Variants in PATJ observed in about 807,000 individuals in gnomAD.
PATJ encodes inaD-like protein.
In PATJ, 190 loss-of-function variants were observed where a neutral mutation model predicts 224.9. The observed-to-expected ratio is 0.84, with a 90% CI of 0.75 to 0.95. The LOEUF is 0.95. Among genes scored for constraint, PATJ ranks in the 40% least tolerant of loss-of-function variants. The pLI is 0.00. For missense variants in PATJ, 2,121 were observed against 2,270.3 expected, an observed-to-expected ratio of 0.93 and a Z score of 1.34; for synonymous variants, 769 against 820.3, an observed-to-expected ratio of 0.94 and a Z score of 1.07.
intron 7 of PATJ, among the ~76,000 whole-genome samples, chr1:61,779,445 C>G (rs1570439603): frequency 6.6e-6 from 1 of 152,350 alleles, no homozygotes; most frequent in South Asian, 2.1e-4. Flanking sequence ...GGATGAGGCT[C>G]ACCTACATCA....
At chr1:61,804,607 G>A (rs931027635) in intron 12 of PATJ, among the ~76,000 whole-genome samples, 7 of 152,110 alleles carry the variant, frequency 4.6e-5, no homozygotes, top group African/African-American at 7.2e-5. Flanking sequence ...GTTAAAAAAC[G>A]TAGAAGTTTG....
At chr1:61,798,702 G>A (rs1169529914) in intron 11 of PATJ, among the ~76,000 whole-genome samples, 1 of 151,560 alleles carries the variant, frequency 6.6e-6, no homozygotes, top group Non-Finnish European at 1.5e-5. Context: ...GACCAGCCTG[G>A]CCAACATAGA....
chr1:61,980,020 A>AG (rs1462309511), intron 27 of PATJ, among the ~76,000 whole-genome samples: 1 of 152,022 alleles, frequency 6.6e-6, no homozygotes, highest in Non-Finnish European at 1.5e-5. Flanking sequence ...GACCTGCTTC[A>AG]GGGGAGAAGG....
At chr1:62,139,516 G>T (rs1667286128) in intron 41 of PATJ, among the ~76,000 whole-genome samples, 1 of 151,990 alleles carries the variant, frequency 6.6e-6, no homozygotes, top group Admixed American at 6.6e-5. Flanking sequence ...AGTCCCTGAT[G>T]GTGATGGTGG....
chr1:61,777,706 T>TTC (rs1647003615), intron 7 of PATJ, among the ~76,000 whole-genome samples: 1 of 50,948 alleles, frequency 2.0e-5, no homozygotes, highest in Admixed American at 3.0e-4. Flanking sequence ...TTTCTTTCTT[T>TTC]TTTTTTTTTT....
At chr1:61,872,409 A>T (rs1001646192) in intron 20 of PATJ, among the ~76,000 whole-genome samples, 61 of 152,180 alleles carry the variant, frequency 4.0e-4, no homozygotes, top group Non-Finnish European at 2.2e-4. Flanking sequence ...AGGAATTTAG[A>T]TGTATAATGA....
intron 13 of PATJ, 135 bp from the exon 14 acceptor site, chr1:61,808,339 A>G (rs761338262): frequency 9.2e-6 from 6 of 652,234 alleles, no homozygotes; most frequent in Non-Finnish European, 1.7e-5. Flanking sequence ...ATAGATTTCA[A>G]AAATATAAGA....
intron 12 of PATJ, among the ~76,000 whole-genome samples, chr1:61,803,797 C>T (rs1653015507): frequency 6.6e-6 from 1 of 152,132 alleles, no homozygotes; most frequent in South Asian, 2.1e-4. Context: ...AAATCAAAAT[C>T]TACTAACTGC....
At chr1:62,001,490 A>G (rs971980360) in intron 28 of PATJ, among the ~76,000 whole-genome samples, 7 of 150,148 alleles carry the variant, frequency 4.7e-5, no homozygotes, top group African/African-American at 1.7e-4. Context: ...GTCAAAGATC[A>G]GATAGTTGTA....
At chr1:62,160,201 A>T (rs751983780) in intron 43 of PATJ, among the ~76,000 whole-genome samples, 1 of 152,026 alleles carries the variant, frequency 6.6e-6, no homozygotes, top group African/African-American at 2.4e-5. Flanking sequence ...GCATTTTTAG[A>T]TATGCAGCTT....
At chr1:62,105,197 G>T (rs746331041) in intron 33 of PATJ, among the ~76,000 whole-genome samples, 5 of 152,142 alleles carry the variant, frequency 3.3e-5, no homozygotes, top group Non-Finnish European at 4.4e-5. Context: ...AATATCTAAG[G>T]ATTTTGAATT....
At chr1:61,923,891 G>A (rs112849479) in intron 26 of PATJ, among the ~76,000 whole-genome samples, 10 of 143,948 alleles carry the variant, frequency 6.9e-5, no homozygotes, top group African/African-American at 2.3e-4. Flanking sequence ...CATTGCACTC[G>A]AGCCTGGACG....
At chr1:62,073,228 C>T in intron 31 of PATJ, 1 of 985,298 alleles carries the variant, frequency 1.0e-6, no homozygotes, top group South Asian at 4.7e-5. Context: ...GAGTGTCATG[C>T]AACCTGAAAT....
intron 1 of PATJ, among the ~76,000 whole-genome samples, chr1:61,750,806 T>G (rs1257450829): frequency 6.6e-6 from 1 of 152,034 alleles, no homozygotes; most frequent in African/African-American, 2.4e-5. Context: ...AAGTGAATGT[T>G]GAGGGTCAGG....
chr1:61,858,805 G>T (rs1664112001), intron 18 of PATJ, among the ~76,000 whole-genome samples: 1 of 152,186 alleles, frequency 6.6e-6, no homozygotes, highest in African/African-American at 2.4e-5. Context: ...GAGACCAAAA[G>T]GTGGTCTTCA....
At position 61,864,346 on chromosome 1, in the gene PATJ, G is replaced by A. The variant is rs992202643; in HGVS notation, c.2548G>A (p.Ala850Thr). The A allele has an allele frequency of 5.6e-6, 9 of 1,613,960 alleles. No homozygotes were observed. Among genetic ancestry groups the A allele is most frequent in the East Asian group, 2.2e-5 (1 of 44,902 alleles). Residue 850 changes from alanine (A) to threonine (T), a missense_variant, in exon 20 of 44, where the codon GCC (alanine) becomes ACC (threonine). Transcript: ENST00000642238. ...QQKEIEQSKE[A>T]WEMHEFLTPR... ...AAAAGAGATAGAGCAAAGCAAGGAG[G>A]CCTGGGAGATGCATGAATTTCTGAC...
At position 62,148,368 on chromosome 1, in the gene PATJ, G is replaced by A. The variant is rs1477708170; in HGVS notation, c.5356G>A (p.Glu1786Lys). ...TGYHLGSPTA[E>K]HHPEDTETPP... ...CTACCACCTTGGTTCGCCCACTGCT[G>A]AACACCATCCAGAAGACACAGAGTG... is the stretch of plus-strand genomic sequence containing the variant. Residue 1786 changes from glutamate (E) to lysine (K), a missense_variant, in exon 42 of 44, where the codon GAA (glutamate) becomes AAA (lysine). Transcript: ENST00000642238. 3.7e-6 allele frequency: 6 copies of A among 1,613,166 alleles called. No individual in the cohort carries two copies. Among genetic ancestry groups the A allele is most frequent in the Admixed American group, 1.7e-5 (1 of 59,994 alleles).
intron 26 of PATJ, among the ~76,000 whole-genome samples, chr1:61,924,309 A>G (rs1674795130): frequency 6.6e-6 from 1 of 152,202 alleles, no homozygotes; most frequent in Non-Finnish European, 1.5e-5. Flanking sequence ...CAGAGGTTAC[A>G]GTGAGCTGAG....
intron 39 of PATJ, 87 bp from the exon 40 acceptor site, chr1:62,127,884 AT>A: frequency 7.3e-7 from 1 of 1,379,238 alleles, no homozygotes; most frequent in South Asian, 1.3e-5. Context: ...TCATGGAGGG[AT>A]TTTGTTCCAA....
Sources: allele counts gnomAD v4.1 joint callset (sites outside exome capture counted in the v4.1 genomes callset), GRCh38; gene constraint gnomAD v4.1.1; transcripts MANE v1.5; gene names NCBI Gene and HGNC (gene_info 2026-07-23, HGNC 2026-07-21).